TTC27: variants seen among roughly 807,000 people sequenced by gnomAD.
The protein encoded by TTC27 is tetratricopeptide repeat domain 27.
TTC27 carries 79 observed loss-of-function variants against 115.9 expected under a neutral mutation model. The observed-to-expected ratio is 0.68, with a 90% confidence interval of 0.57 to 0.82. TTC27 has a LOEUF of 0.82. TTC27 is among the 40% of genes least tolerant of loss of function. The pLI, the probability that TTC27 is intolerant of heterozygous loss-of-function variation, is 0.00. For missense variants in TTC27, 1,054 were observed against 993.1 expected, an observed-to-expected ratio of 1.06 and a Z score of -0.82; for synonymous variants, 401 against 356.0, an observed-to-expected ratio of 1.13 and a Z score of -1.42.
At chr2:32,687,637 A>G (rs577180980) in intron 9 of TTC27, among the ~76,000 whole-genome samples, 7 of 152,362 alleles carry the variant, frequency 4.6e-5, no homozygotes, top group African/African-American at 1.7e-4. Context: ...AACAGTAAGT[A>G]TAACAAGGCT....
intron 16 of TTC27, among the ~76,000 whole-genome samples, chr2:32,792,611 C>T (rs1177715055): frequency 6.6e-6 from 1 of 151,966 alleles, no homozygotes; most frequent in Non-Finnish European, 1.5e-5. Context: ...AGAACAAGTA[C>T]TTAGAGAGCT....
chr2:32,746,194 T>G (rs1314859388), intron 12 of TTC27, among the ~76,000 whole-genome samples: 1 of 151,882 alleles, frequency 6.6e-6, no homozygotes, highest in East Asian at 1.9e-4. Context: ...TTTAAATATG[T>G]TTTTTTTGTT....
chr2:32,752,960 C>G (rs544544108), intron 12 of TTC27, among the ~76,000 whole-genome samples: 2 of 152,156 alleles, frequency 1.3e-5, no homozygotes, highest in Admixed American at 1.3e-4. Flanking sequence ...AACTTAGTGG[C>G]TTAAAACAAC....
intron 16 of TTC27, among the ~76,000 whole-genome samples, chr2:32,787,838 C>A (rs1221715780): frequency 6.9e-6 from 1 of 144,450 alleles, no homozygotes; most frequent in Non-Finnish European, 1.5e-5. Context: ...ATAAACAAAA[C>A]TGAATGGAAT....
chr2:32,634,106 C>T lies in TTC27; in HGVS notation c.396+101C>T, dbSNP rs370947089. The T allele has an allele frequency of 3.5e-4, 469 of 1,341,548 alleles. 6 individuals are homozygous for T. The South Asian group carries it at 6.7e-3, about 19-fold the overall frequency. 83.1% of individuals were successfully genotyped at this position (1,341,548 alleles called of 1,614,324 possible). ...AACTCATAGTAGGAAAGAAACATGA[C>T]TTTATGGTTTGCACAAAAGTACTAA... On this transcript the variant is annotated intron_variant, in intron 3 of 19. Coordinates refer to ENST00000317907, the MANE Select transcript of TTC27 (RefSeq NM_017735.5).
intron 10 of TTC27, among the ~76,000 whole-genome samples, chr2:32,713,890 T>G (rs1193610636): frequency 6.6e-6 from 1 of 152,172 alleles, no homozygotes; most frequent in East Asian, 1.9e-4. Context: ...TAGTACCTGA[T>G]AAGTAATTTT....
intron 16 of TTC27, among the ~76,000 whole-genome samples, chr2:32,804,755 A>G (rs1053365152): frequency 2.0e-5 from 3 of 152,020 alleles, no homozygotes; most frequent in African/African-American, 4.8e-5. Flanking sequence ...AACAGTTTAT[A>G]TAGTATTATA....
intron 12 of TTC27, among the ~76,000 whole-genome samples, chr2:32,738,795 T>A (rs569193343): frequency 6.6e-6 from 1 of 152,326 alleles, no homozygotes; most frequent in Non-Finnish European, 1.5e-5. Context: ...TACTTTTCTT[T>A]AAAAGCAGCA....
At chr2:32,740,488 G>C (rs1253037693) in intron 12 of TTC27, among the ~76,000 whole-genome samples, 1 of 149,250 alleles carries the variant, frequency 6.7e-6, no homozygotes, top group Non-Finnish European at 1.5e-5. Flanking sequence ...TCTTTATACA[G>C]TTTAAAAGAT....
rs115805230 is a variant in TTC27 at position 32,704,824 on chromosome 2, A to G, written c.1233+1904A>G. 1.1e-3 allele frequency: 502 copies of G among 469,014 alleles called. 3 individuals carry two copies. The highest frequency in any genetic ancestry group is 9.0e-3 in the African/African-American group (452 of 50,150). The allele number at this position is 469,014 out of a possible 1,614,324, so 29.1% of individuals were successfully genotyped here. A position where few individuals can be genotyped will look rare whatever the true frequency, so the allele number is the denominator to read the frequency against. On this transcript the variant is annotated intron_variant, in intron 10 of 19. Coordinates refer to ENST00000317907, the MANE Select transcript of TTC27 (RefSeq NM_017735.5). Reference sequence around the variant, plus strand: ...TTCAGGTCATAGAATTTTGGCTGTCATATTGTAGAAATGATGTAGTACTCT... The same window carrying G: ...TTCAGGTCATAGAATTTTGGCTGTCGTATTGTAGAAATGATGTAGTACTCT...
chr2:32,664,118 A>G (rs543911816), intron 5 of TTC27, among the ~76,000 whole-genome samples, 185 bp from the exon 6 acceptor site: 520 of 152,286 alleles, frequency 3.4e-3, no homozygotes, highest in Non-Finnish European at 6.2e-3. Flanking sequence ...TCTGGAGCAT[A>G]TAAGTGCTCA....
At chr2:32,813,338 G>A (rs1321226956) in intron 18 of TTC27, among the ~76,000 whole-genome samples, 2 of 152,134 alleles carry the variant, frequency 1.3e-5, no homozygotes, top group Non-Finnish European at 2.9e-5. Flanking sequence ...CTTCCTTGCT[G>A]CCACTAATAA....
At chr2:32,630,401 A>G (rs1664135327) in intron 1 of TTC27, 122 bp from the exon 2 acceptor site, 3 of 680,268 alleles carry the variant, frequency 4.4e-6, no homozygotes, top group African/African-American at 3.6e-5. Context: ...ACATACAGTA[A>G]TCATTCTAAG....
intron 7 of TTC27, among the ~76,000 whole-genome samples, chr2:32,669,811 AG>A (rs1300354349): frequency 3.5e-5 from 5 of 144,516 alleles, no homozygotes; most frequent in African/African-American, 1.3e-4. Context: ...GCCTGAACCC[AG>A]GAGGTGGAGG....
rs766483659 is a variant in TTC27, at chr2:32,787,028, A to T, written c.1877A>T (p.Tyr626Phe). Residue 626 changes from tyrosine (Y) to phenylalanine (F), a missense_variant, in exon 16 of 20, where the codon TAT becomes TTT. Transcript: ENST00000317907. Reference protein sequence around the residue: ...RTLQEALKCNYEHWQIWENYI... With the variant: ...RTLQEALKCNFEHWQIWENYI... Reference sequence around the variant, plus strand: ...TTACAAGAAGCTCTCAAGTGTAACTATGAACACTGGCAGATTTGGGAAAAC... The same window carrying T: ...TTACAAGAAGCTCTCAAGTGTAACTTTGAACACTGGCAGATTTGGGAAAAC... 2 of 1,614,138 alleles carry T rather than the reference A, an allele frequency of 1.2e-6. No homozygotes were observed. The highest frequency in any genetic ancestry group is 1.7e-6 in the Non-Finnish European group (2 of 1,180,002).
At chr2:32,799,874 G>A (rs34057611) in intron 16 of TTC27, among the ~76,000 whole-genome samples, 14,127 of 152,192 alleles carry the variant, frequency 0.093, 805 homozygotes, top group Middle Eastern at 0.2. Flanking sequence ...AGGACCAAAA[G>A]CTTGAAACCA....
At chr2:32,665,020 T>C (rs995485433) in intron 6 of TTC27, among the ~76,000 whole-genome samples, 1 of 151,514 alleles carries the variant, frequency 6.6e-6, no homozygotes, top group Non-Finnish European at 1.5e-5. Flanking sequence ...TTTTTTTTTG[T>C]ATTTTTAGTA....
At chr2:32,710,753 C>T (rs926697237) in intron 10 of TTC27, among the ~76,000 whole-genome samples, 2 of 151,766 alleles carry the variant, frequency 1.3e-5, no homozygotes, top group African/African-American at 4.8e-5. Context: ...CAGTTCTAAA[C>T]CTGCATTTGT....
chr2:32,689,071 A>C (rs1021381715), intron 9 of TTC27, among the ~76,000 whole-genome samples: 2 of 152,170 alleles, frequency 1.3e-5, no homozygotes, highest in African/African-American at 4.8e-5. Flanking sequence ...GCATGGATGA[A>C]TCTCAGACAC....
Sources: allele counts gnomAD v4.1 joint callset (sites outside exome capture counted in the v4.1 genomes callset), GRCh38; gene constraint gnomAD v4.1.1; transcripts MANE v1.5; gene names NCBI Gene and HGNC (gene_info 2026-07-23, HGNC 2026-07-21).